SLC25A28: variants seen among roughly 807,000 people sequenced by gnomAD.
SLC25A28 encodes mitoferrin-2.
In SLC25A28, 10 loss-of-function variants were observed where a neutral mutation model predicts 31.9. The observed-to-expected ratio is 0.31, with a 90% CI of 0.19 to 0.53. The LOEUF (loss-of-function observed/expected upper bound fraction) is 0.53, where lower values mean the gene tolerates loss of function less well. Ranked by LOEUF, SLC25A28 falls within the 20% of genes least tolerant of loss-of-function variation. The probability of loss-of-function intolerance (pLI) is 0.95; values close to 1 mark genes in which losing one functional copy is unlikely to be tolerated. For missense variants in SLC25A28, 256 were observed against 490.3 expected, an observed-to-expected ratio of 0.52 and a Z score of 4.51; for synonymous variants, 208 against 203.6, an observed-to-expected ratio of 1.02 and a Z score of -0.19.
chr10:99,637,437 A>G, the SLC25A28 span, among the ~76,000 whole-genome samples: 4 of 152,204 alleles, frequency 2.6e-5, no homozygotes, highest in Non-Finnish European at 4.4e-5. Flanking sequence ...AGTCCCAGCC[A>G]GAGCAATCAG....
chr10:99,652,745 C>T, the SLC25A28 span, among the ~76,000 whole-genome samples: 2 of 152,160 alleles, frequency 1.3e-5, no homozygotes, highest in Non-Finnish European at 2.9e-5. Context: ...CCCCAGCCTA[C>T]CTCACCCTGG....
At chr10:99,641,550 G>T in the SLC25A28 span, among the ~76,000 whole-genome samples, 1 of 152,226 alleles carries the variant, frequency 6.6e-6, no homozygotes, top group African/African-American at 2.4e-5. Context: ...TTCTTTTGCT[G>T]TGCAGAAGCT....
At position 99,620,031 on chromosome 10, in the gene SLC25A28, G is replaced by A; in HGVS notation, c.291+14C>T. On this transcript the variant is annotated intron_variant, in intron 1 of 3. Transcript: ENST00000370495. ...CAGCCCCAGGTCGGGTTCGAAGCCGGGTGCAGGTCTCACCTTGACGCAGTC... is the reference window on the plus strand; with the variant it reads ...CAGCCCCAGGTCGGGTTCGAAGCCGAGTGCAGGTCTCACCTTGACGCAGTC... 6.4e-7 allele frequency: 1 copy of A among 1,566,096 alleles called. No homozygotes were observed. Among genetic ancestry groups the A allele is most frequent in the Non-Finnish European group, 8.6e-7 (1 of 1,162,494 alleles).
At chr10:99,645,545 C>G in the SLC25A28 span, among the ~76,000 whole-genome samples, 1 of 152,220 alleles carries the variant, frequency 6.6e-6, no homozygotes, top group Non-Finnish European at 1.5e-5. Flanking sequence ...TCGTCCAAAG[C>G]CTTCTTCTCT....
chr10:99,658,556 C>T, the SLC25A28 span, among the ~76,000 whole-genome samples: 119 of 152,128 alleles, frequency 7.8e-4, 1 homozygote, highest in East Asian at 0.02. Flanking sequence ...TAGGGGAAGG[C>T]GACCCTTAAG....
chr10:99,622,652 C>T, upstream of SLC25A28: 1 of 985,428 alleles, frequency 1.0e-6, no homozygotes, highest in Non-Finnish European at 1.2e-6. Context: ...TTTTTACTAG[C>T]TTCAGAAACC....
intron 1 of SLC25A28, chr10:99,618,933 T>C (rs1589998819): frequency 1.0e-6 from 1 of 985,442 alleles, no homozygotes; most frequent in East Asian, 1.1e-4. Context: ...ATCAAAAAGC[T>C]GCCAGGTCAC....
At chr10:99,641,470 C>T in the SLC25A28 span, among the ~76,000 whole-genome samples, 6 of 152,068 alleles carry the variant, frequency 3.9e-5, no homozygotes, top group East Asian at 5.8e-4. Flanking sequence ...GATATTAGCC[C>T]TTTGTCAGAT....
At chr10:99,621,751 C>T (rs2052319), upstream of SLC25A28, 129,040 of 152,298 alleles carry the variant, frequency 0.85, 54,854 homozygotes, top group Middle Eastern at 0.92. Flanking sequence ...TCCATCTGTT[C>T]ATAGGTTTTC....
At chr10:99,651,594 C>CTTTTTTTTTTTT in the SLC25A28 span, among the ~76,000 whole-genome samples, 2,166 of 109,922 alleles carry the variant, frequency 0.02, 170 homozygotes, top group Non-Finnish European at 0.025. Flanking sequence ...TTTTTCTTTT[C>CTTTTTTTTTTTT]TTTTTTTTTT....
At chr10:99,622,338 T>G (rs1590002554), upstream of SLC25A28, among the ~76,000 whole-genome samples, 1 of 152,030 alleles carries the variant, frequency 6.6e-6, no homozygotes, top group African/African-American at 2.4e-5. Flanking sequence ...TCAAAAAAAT[T>G]TTTTTAAAAG....
chr10:99,648,686 GTTT>G, the SLC25A28 span, among the ~76,000 whole-genome samples: 1 of 119,804 alleles, frequency 8.3e-6, no homozygotes, highest in Non-Finnish European at 1.7e-5. Context: ...ATATTCCTAG[GTTT>G]TTTTTTTTTT....
At position 99,613,506 on chromosome 10, in the gene SLC25A28, C is replaced by G; in HGVS notation, c.520+190G>C. 6.9e-7 allele frequency: 1 copy of G among 1,445,068 alleles called. No individual in the cohort carries two copies. The highest frequency in any genetic ancestry group is 9.1e-7 in the Non-Finnish European group (1 of 1,104,684). The allele number at this position is 1,445,068 out of a possible 1,614,324, so 89.5% of individuals were successfully genotyped here. A position where few individuals can be genotyped will look rare whatever the true frequency, so the allele number is the denominator to read the frequency against. On this transcript the variant is annotated intron_variant, in intron 2 of 3. Coordinates refer to ENST00000370495, the MANE Select transcript of SLC25A28 (RefSeq NM_031212.4). This position sits in a 1 kb window ranked among gnomAD's most constrained non-coding sequence, Gnocchi z 4.9. ...TACTGTAACCCTTTGTTGAGGTGCC[C>G]CAAAGGAAAAGGCAGGGTTGAAGCG...
the SLC25A28 span, among the ~76,000 whole-genome samples, chr10:99,634,399 G>A: frequency 6.7e-6 from 1 of 148,920 alleles, no homozygotes; most frequent in Non-Finnish European, 1.5e-5. Flanking sequence ...TCCAAAAAAT[G>A]ATACAAGAAG....
chr10:99,619,926 G>T, intron 1 of SLC25A28, 119 bp downstream of exon 1: 1 of 1,049,762 alleles, frequency 9.5e-7, no homozygotes, highest in Non-Finnish European at 1.3e-6. Flanking sequence ...ATGTGGTAGT[G>T]GCAGGAGCCA....
the SLC25A28 span, among the ~76,000 whole-genome samples, chr10:99,627,443 T>G: frequency 2.9e-5 from 4 of 138,560 alleles, no homozygotes; most frequent in South Asian, 8.9e-4. Flanking sequence ...TTATTCATCT[T>G]GTTTTTTTTT....
At chr10:99,641,093 G>A in the SLC25A28 span, among the ~76,000 whole-genome samples, 3 of 152,176 alleles carry the variant, frequency 2.0e-5, no homozygotes, top group African/African-American at 7.2e-5. Flanking sequence ...TAATGGGATG[G>A]CTGGGTCAGA....
Position 99,610,765 on chromosome 10 carries a change from T to G in SLC25A28, c.*84A>C. On this transcript the variant is annotated 3_prime_UTR_variant, in exon 4 of 4. Coordinates refer to ENST00000370495, the MANE Select transcript of SLC25A28 (RefSeq NM_031212.4). ...CCTCTACCTTCCTTCTAACTCCACT[T>G]GAGGTGGGAGCATTCCAGGAGACAG... The G allele has an allele frequency of 6.6e-7, 1 of 1,512,482 alleles. No homozygotes were observed. The highest frequency in any genetic ancestry group is 8.9e-7 in the Non-Finnish European group (1 of 1,118,254). 93.7% of individuals were successfully genotyped at this position (1,512,482 alleles called of 1,614,324 possible).
Position 99,610,578 on chromosome 10 carries a change from AAC to A in SLC25A28, c.*269_*270del, listed in dbSNP as rs1404438252. 2 of 467,048 alleles carry A rather than the reference AAC, an allele frequency of 4.3e-6. No individual in the cohort carries two copies. The highest frequency in any genetic ancestry group is 3.9e-5 in the African/African-American group (2 of 51,766). The allele number at this position is 467,048 out of a possible 1,614,324, so 28.9% of individuals were successfully genotyped here. On this transcript the variant is annotated 3_prime_UTR_variant, in exon 4 of 4. Transcript: ENST00000370495. ...GGGAATGAGCTGCTTATCCCTCTAT[AAC>A]AGTCTAGAGCAGGTCATCAGGCCCA...
Sources: gnomAD v4.1 joint callset for allele counts (sites outside exome capture counted in the v4.1 genomes callset) on GRCh38, gnomAD v4.1.1 for gene constraint, Gnocchi (gnomAD v3.1) non-coding constraint, MANE v1.5 for transcripts, NCBI Gene and HGNC (gene_info 2026-07-23, HGNC 2026-07-21) for gene names.